PDE2A: variants seen among roughly 807,000 people sequenced by gnomAD.
The protein encoded by PDE2A is cGMP-dependent 3',5'-cyclic phosphodiesterase.
In PDE2A, 53 loss-of-function variants were observed where a neutral mutation model predicts 133.6. The ratio of observed to expected loss-of-function variants is 0.40; its 90% CI spans 0.32 to 0.50. The LOEUF (loss-of-function observed/expected upper bound fraction) is 0.50. PDE2A is among the 20% of genes least tolerant of loss of function. The pLI is 0.73. For missense variants in PDE2A, 796 were observed against 1,232.4 expected, an observed-to-expected ratio of 0.65 and a Z score of 5.30; for synonymous variants, 491 against 490.2, an observed-to-expected ratio of 1.00 and a Z score of -0.02.
chr11:72,655,200 G>A (rs1042632912), intron 1 of PDE2A, among the ~76,000 whole-genome samples: 4 of 152,306 alleles, frequency 2.6e-5, no homozygotes, highest in South Asian at 2.1e-4. Context: ...ACATCGACCC[G>A]TGGCGCCACA....
chr11:72,586,048 A>G, intron 14 of PDE2A, 22 bp downstream of exon 14: 2 of 1,391,402 alleles, frequency 1.4e-6, no homozygotes, highest in African/African-American at 1.4e-5. Context: ...TGCCCGAGAG[A>G]GGCTGAAGGC....
chr11:72,616,625 A>G (rs1857487651), intron 2 of PDE2A, among the ~76,000 whole-genome samples: 1 of 152,226 alleles, frequency 6.6e-6, no homozygotes, highest in African/African-American at 2.4e-5. Context: ...AAGCCTCCCC[A>G]GTCTGGCACA....
intron 2 of PDE2A, among the ~76,000 whole-genome samples, chr11:72,635,810 C>T (rs1298586952): frequency 2.0e-5 from 3 of 152,332 alleles, no homozygotes; most frequent in Non-Finnish European, 2.9e-5. Flanking sequence ...TCTGATAATT[C>T]GGGAAATGGA....
intron 1 of PDE2A, chr11:72,669,053 TC>T: frequency 1.4e-6 from 1 of 707,892 alleles, no homozygotes; most frequent in Non-Finnish European, 1.7e-6. Flanking sequence ...GCTCTGCACT[TC>T]CAGATTCTTC....
chr11:72,578,167 G>T lies in PDE2A; in HGVS notation c.2615+66C>A. On this transcript the variant is annotated intron_variant, in intron 30 of 30. Coordinates refer to ENST00000334456, the MANE Select transcript of PDE2A (RefSeq NM_002599.5). The surrounding 1 kb of genome is among the most constrained non-coding windows in gnomAD (Gnocchi z 4.2). The stretch of plus-strand genomic sequence containing the variant: ...GCCAATCTCAGCACCTGTGTTTCCT[G>T]TGATGTCCCCACTCCAGCCTACCCT... 9.9e-7 allele frequency: 1 copy of T among 1,014,756 alleles called. No homozygotes were observed. The allele number at this position is 1,014,756 out of a possible 1,614,324, so 62.9% of individuals were successfully genotyped here.
At chr11:72,595,509 C>A (rs1856439229) in intron 6 of PDE2A, among the ~76,000 whole-genome samples, 1 of 152,040 alleles carries the variant, frequency 6.6e-6, no homozygotes, top group Non-Finnish European at 1.5e-5. Context: ...AGCCAAGTAC[C>A]CCTCCTCCCC....
At chr11:72,615,961 T>A (rs1359254808) in intron 2 of PDE2A, among the ~76,000 whole-genome samples, 1 of 152,048 alleles carries the variant, frequency 6.6e-6, no homozygotes, top group Non-Finnish European at 1.5e-5. Flanking sequence ...AGGCCCCTGG[T>A]GAGGTGGCAG....
At chr11:72,630,959 G>T in intron 2 of PDE2A, 2 of 768,146 alleles carry the variant, frequency 2.6e-6, no homozygotes, top group Non-Finnish European at 4.5e-6. Context: ...GAGGGCTGGG[G>T]CTGGGATGTG....
intron 2 of PDE2A, 93 bp from the exon 3 acceptor site, chr11:72,608,844 A>G: frequency 4.3e-6 from 3 of 701,348 alleles, no homozygotes; most frequent in Non-Finnish European, 7.9e-6. Context: ...CCCCCAGCTT[A>G]GTCCAGAGCC....
chr11:72,599,836 C>T (rs1026579040), intron 4 of PDE2A, among the ~76,000 whole-genome samples: 2 of 152,312 alleles, frequency 1.3e-5, no homozygotes, highest in East Asian at 3.9e-4. Context: ...CAGAGATCAA[C>T]GTACAGACCC....
chr11:72,658,395 G>A (rs539260748), intron 1 of PDE2A, among the ~76,000 whole-genome samples: 2 of 152,272 alleles, frequency 1.3e-5, no homozygotes, highest in South Asian at 2.1e-4. Context: ...TTCCCTGGAA[G>A]TCACCACCTC....
intron 2 of PDE2A, among the ~76,000 whole-genome samples, chr11:72,628,284 T>C (rs1858185922): frequency 6.6e-6 from 1 of 152,136 alleles, no homozygotes; most frequent in African/African-American, 2.4e-5. Flanking sequence ...AACAGCTCTA[T>C]TGTGGTAATG....
chr11:72,645,482 T>C (rs1468249640), intron 1 of PDE2A, among the ~76,000 whole-genome samples: 2 of 152,124 alleles, frequency 1.3e-5, no homozygotes, highest in African/African-American at 4.8e-5. Flanking sequence ...GTGACCCCAC[T>C]CCAAGGACTC....
At chr11:72,605,444 A>T (rs1856929826) in intron 3 of PDE2A, among the ~76,000 whole-genome samples, 3 of 152,214 alleles carry the variant, frequency 2.0e-5, no homozygotes, top group Admixed American at 6.5e-5. Context: ...CTTGGACGGA[A>T]TTCTAAGCAG....
intron 20 of PDE2A, 54 bp downstream of exon 20, chr11:72,583,384 C>T (rs535225082): frequency 8.0e-7 from 1 of 1,257,812 alleles, no homozygotes; most frequent in Admixed American, 1.7e-5. Context: ...CCCTGCCTGG[C>T]CCTGGGTCCC....
intron 2 of PDE2A, among the ~76,000 whole-genome samples, chr11:72,628,802 C>T (rs1565181003): frequency 6.6e-6 from 1 of 152,196 alleles, no homozygotes; most frequent in African/African-American, 2.4e-5. Context: ...CCAGATCCAC[C>T]CTGACAGGAG....
intron 1 of PDE2A, chr11:72,668,277 C>G (rs1260321526): frequency 1.3e-5 from 9 of 718,340 alleles, no homozygotes; most frequent in Non-Finnish European, 1.8e-5. Flanking sequence ...TGCCCCAGGT[C>G]TGGCTCCACT....
intron 1 of PDE2A, among the ~76,000 whole-genome samples, chr11:72,669,956 T>C (rs969442222): frequency 2.0e-5 from 3 of 152,192 alleles, no homozygotes; most frequent in African/African-American, 4.8e-5. Flanking sequence ...ATCAAGCCTG[T>C]TGGAGACACC....
Position 72,584,723 on chromosome 11 carries a change from A to G in PDE2A, c.1365T>C (p.Tyr455=). The G allele has an allele frequency of 6.2e-7, 1 of 1,611,512 alleles. No homozygotes were observed. The highest frequency in any genetic ancestry group is 1.7e-4 in the Middle Eastern group (1 of 6,054). Residue 455 remains tyrosine, a synonymous_variant, in exon 18 of 31, where the codon TAT becomes TAC. Coordinates refer to ENST00000334456, the MANE Select transcript of PDE2A (RefSeq NM_002599.5). ...FDGGVVDDES[Y]EIRIPADQGI... ...CCTGATCGGCCGGGATGCGGATCTC[A>G]TAGCTCTGCCGGAGCAGAGATGGAG...
Sources: gnomAD v4.1 joint callset for allele counts (sites outside exome capture counted in the v4.1 genomes callset) on GRCh38, gnomAD v4.1.1 for gene constraint, Gnocchi (gnomAD v3.1) non-coding constraint, MANE v1.5 for transcripts, NCBI Gene and HGNC (gene_info 2026-07-23, HGNC 2026-07-21) for gene names.